Variants in PTPRD observed in about 807,000 individuals in gnomAD.
PTPRD encodes receptor-type tyrosine-protein phosphatase delta.
PTPRD carries 34 observed loss-of-function variants against 214.5 expected under a neutral mutation model. That is an observed-to-expected ratio of 0.16 (90% confidence interval 0.12 to 0.21). The LOEUF (loss-of-function observed/expected upper bound fraction) is 0.21, where lower values mean the gene tolerates loss of function less well. PTPRD is among the 10% of genes least tolerant of loss of function. PTPRD has a pLI of 1.00. For synonymous variants in PTPRD, 1,128 were observed against 845.7 expected, an observed-to-expected ratio of 1.33 and a Z score of -5.79; for missense variants, 2,545 against 2,398.7, an observed-to-expected ratio of 1.06 and a Z score of -1.27.
intron 12 of PTPRD, among the ~76,000 whole-genome samples, chr9:8,729,957 A>C (rs1366954474): frequency 1.3e-5 from 2 of 152,234 alleles, no homozygotes; most frequent in Admixed American, 6.5e-5. Context: ...CATAAAAGAC[A>C]GAAATATTGT....
At chr9:9,471,524 T>C (rs947040262) in intron 8 of PTPRD, among the ~76,000 whole-genome samples, 1 of 152,184 alleles carries the variant, frequency 6.6e-6, no homozygotes, top group Admixed American at 6.5e-5. Context: ...CATTAAAGAA[T>C]TTATTGCTTA....
rs115403029 is a variant in PTPRD, at chr9:9,566,802, C to T, written c.-237+7930G>A. Among the ~76,000 whole-genome samples the T allele has an allele frequency of 2.8e-3, 426 of 152,112 alleles. 1 individual carries two copies. Among genetic ancestry groups the T allele is most frequent in the African/African-American group, 9.6e-3 (400 of 41,524 alleles). ...TGGAAAATATTGAAAAGCGTTTCTT[C>T]GGCCTATCTTACTTTCTTCTCATGG... is the stretch of plus-strand genomic sequence containing the variant. On this transcript the variant is annotated intron_variant, in intron 8 of 45. Coordinates refer to ENST00000381196, the MANE Select transcript of PTPRD (RefSeq NM_002839.4).
intron 4 of PTPRD, among the ~76,000 whole-genome samples, chr9:9,949,496 T>C (rs1403540025): frequency 7.3e-6 from 1 of 136,706 alleles, no homozygotes; most frequent in Non-Finnish European, 1.5e-5. Context: ...TGTGGATACT[T>C]CTTCTTTGCA....
intron 11 of PTPRD, among the ~76,000 whole-genome samples, chr9:8,784,339 G>A (rs542241147): frequency 3.8e-4 from 58 of 152,234 alleles, no homozygotes; most frequent in Middle Eastern, 3.4e-3. Flanking sequence ...TTTCTTAAAC[G>A]TAAATGCATG....
At chr9:9,445,194 C>A (rs2089958791) in intron 8 of PTPRD, among the ~76,000 whole-genome samples, 1 of 152,096 alleles carries the variant, frequency 6.6e-6, no homozygotes, top group African/African-American at 2.4e-5. Context: ...AAACTGTAGC[C>A]CATTCACATC....
chr9:8,376,761 C>G (rs1328276519), intron 37 of PTPRD, 35 bp from the exon 38 acceptor site: 1 of 1,609,616 alleles, frequency 6.2e-7, no homozygotes, highest in South Asian at 1.1e-5. Flanking sequence ...AGGGCAAATG[C>G]TCATCAATTT....
chr9:9,444,340 C>T (rs1043007552), intron 8 of PTPRD, among the ~76,000 whole-genome samples: 9 of 152,086 alleles, frequency 5.9e-5, no homozygotes, highest in African/African-American at 2.2e-4. Context: ...GATTTGATAT[C>T]TATTTTTTGT....
At position 10,121,894 on chromosome 9, in the gene PTPRD, T is replaced by C. The variant is rs570351163; in HGVS notation, c.-544-88104A>G. 3.9e-5 allele frequency among the ~76,000 whole-genome samples: 6 copies of C among 152,312 alleles called. No individual in the cohort carries two copies. The South Asian group carries it at 1.0e-3, about 26-fold the overall frequency. On this transcript the variant is annotated intron_variant, in intron 3 of 45. Transcript: ENST00000381196. ...CTCCCAAAGAATCCCCACTCTGACTTTGACTACAATTTCACCTCCTTCCTG... is the reference window on the plus strand; with the variant it reads ...CTCCCAAAGAATCCCCACTCTGACTCTGACTACAATTTCACCTCCTTCCTG...
At chr9:8,455,184 C>T (rs529220181) in intron 33 of PTPRD, among the ~76,000 whole-genome samples, 1 of 152,236 alleles carries the variant, frequency 6.6e-6, no homozygotes, top group South Asian at 2.1e-4. Context: ...CATCTTTTTT[C>T]CCATGAAGGA....
intron 11 of PTPRD, among the ~76,000 whole-genome samples, chr9:8,981,236 A>C (rs777293983): frequency 5.3e-5 from 8 of 152,106 alleles, no homozygotes; most frequent in Non-Finnish European, 8.8e-5. Context: ...GATTAAAAAA[A>C]AAGAAGCTAG....
chr9:10,564,596 C>G (rs1240959537), intron 2 of PTPRD, among the ~76,000 whole-genome samples: 1 of 152,028 alleles, frequency 6.6e-6, no homozygotes, highest in Non-Finnish European at 1.5e-5. Context: ...TCAATGGAGG[C>G]AACATCCCTG....
At chr9:9,897,707 T>C (rs981830923) in intron 5 of PTPRD, among the ~76,000 whole-genome samples, 8 of 152,226 alleles carry the variant, frequency 5.3e-5, no homozygotes, top group Admixed American at 5.2e-4. Flanking sequence ...AACATAATAA[T>C]TTTACATACA....
chr9:10,262,973 C>T (rs2093796698), intron 3 of PTPRD, among the ~76,000 whole-genome samples: 1 of 152,096 alleles, frequency 6.6e-6, no homozygotes, highest in South Asian at 2.1e-4. Flanking sequence ...GAATACATCT[C>T]AAGAGATCTG....
intron 10 of PTPRD, among the ~76,000 whole-genome samples, chr9:9,154,697 G>C (rs996961666): frequency 9.2e-5 from 14 of 152,130 alleles, no homozygotes; most frequent in African/African-American, 3.1e-4. Context: ...CTGTGTCCCA[G>C]CTCTTTGCAT....
chr9:8,837,559 G>A (rs1339943082), intron 11 of PTPRD, among the ~76,000 whole-genome samples: 1 of 152,156 alleles, frequency 6.6e-6, no homozygotes, highest in Non-Finnish European at 1.5e-5. Context: ...CTGGAGTACA[G>A]TAGCACAATC....
At chr9:8,357,199 A>T (rs1306592025) in intron 39 of PTPRD, among the ~76,000 whole-genome samples, 1 of 152,310 alleles carries the variant, frequency 6.6e-6, no homozygotes, top group African/African-American at 2.4e-5. Context: ...GTTTCTGGGG[A>T]CACACCAACT....
intron 3 of PTPRD, among the ~76,000 whole-genome samples, chr9:10,147,104 G>A (rs1051150401): frequency 7.2e-5 from 11 of 152,120 alleles, no homozygotes; most frequent in African/African-American, 2.4e-4. Flanking sequence ...ACTTACAGGG[G>A]ACACTATAAG....
intron 7 of PTPRD, among the ~76,000 whole-genome samples, chr9:9,698,032 AT>A (rs970434700): frequency 2.0e-4 from 31 of 152,202 alleles, no homozygotes; most frequent in Admixed American, 9.8e-4. Flanking sequence ...TCCCTGATAA[AT>A]TTTTGACTTT....
chr9:8,852,026 T>C (rs2154543166), intron 11 of PTPRD, among the ~76,000 whole-genome samples: 1 of 149,450 alleles, frequency 6.7e-6, no homozygotes, highest in Non-Finnish European at 1.5e-5. Flanking sequence ...TACAACCCTT[T>C]TAGTTAATAA....
Sources: gnomAD v4.1 joint callset for allele counts (sites outside exome capture counted in the v4.1 genomes callset) on GRCh38, gnomAD v4.1.1 for gene constraint, MANE v1.5 for transcripts, NCBI Gene and HGNC (gene_info 2026-07-23, HGNC 2026-07-21) for gene names.